Variants in RIMS2 observed in about 807,000 individuals in gnomAD.
The protein encoded by RIMS2 is regulating synaptic membrane exocytosis protein 2.
RIMS2 carries 59 observed loss-of-function variants against 174.4 expected under a neutral mutation model. That is an observed-to-expected ratio of 0.34 (90% CI 0.27 to 0.42). The LOEUF (loss-of-function observed/expected upper bound fraction) is 0.42. Among genes scored for constraint, RIMS2 ranks in the 10% least tolerant of loss-of-function variants. The pLI is 1.00. For missense variants in RIMS2, 1,620 were observed against 1,666.3 expected, an observed-to-expected ratio of 0.97 and a Z score of 0.48; for synonymous variants, 606 against 572.5, an observed-to-expected ratio of 1.06 and a Z score of -0.84.
At chr8:104,107,590 T>C (rs758663404) in intron 19 of RIMS2, among the ~76,000 whole-genome samples, 1 of 152,236 alleles carries the variant, frequency 6.6e-6, no homozygotes, top group Non-Finnish European at 1.5e-5. Context: ...TCCAACATAG[T>C]ACTTCTAACA....
At chr8:103,925,170 T>C (rs1595260613) in intron 10 of RIMS2, among the ~76,000 whole-genome samples, 2 of 151,804 alleles carry the variant, frequency 1.3e-5, no homozygotes, top group East Asian at 3.9e-4. Context: ...CAGAATTCTC[T>C]TTCTGTGGAA....
chr8:104,057,229 G>A (rs1471803090), intron 19 of RIMS2, among the ~76,000 whole-genome samples: 1 of 151,592 alleles, frequency 6.6e-6, no homozygotes, highest in Non-Finnish European at 1.5e-5. Context: ...ACCGCCCCCA[G>A]CTAAATTTTT....
chr8:103,770,536 A>C (rs1183430439), intron 3 of RIMS2, among the ~76,000 whole-genome samples: 1 of 152,148 alleles, frequency 6.6e-6, no homozygotes, highest in Non-Finnish European at 1.5e-5. Flanking sequence ...AGATCGTGCC[A>C]TTGCATTCCA....
chr8:103,622,259 C>A (rs967922583), intron 1 of RIMS2, among the ~76,000 whole-genome samples: 40 of 152,004 alleles, frequency 2.6e-4, no homozygotes, highest in Admixed American at 2.5e-3. Flanking sequence ...TGAATACAAA[C>A]AATGACACAT....
rs71297262 is a variant in RIMS2, at chr8:104,173,613, A to ATTTTT, written c.3335-71274_3335-71270dup. On this transcript the variant is annotated intron_variant, in intron 19 of 23. Transcript: ENST00000504942. ...AATATTTACTACCTTAGCTCTTCTG[A>ATTTTT]TTTTTTTTTTTTTTTTTTTTTTTTT... Among the ~76,000 whole-genome samples, 278 of 54,246 alleles carry ATTTTT rather than the reference A, an allele frequency of 5.1e-3. 50 individuals are homozygous for ATTTTT. Among genetic ancestry groups the ATTTTT allele is most frequent in the East Asian group, 0.02 (31 of 1,552 alleles). The allele number at this position is 54,246 out of a possible 152,430, so 35.6% of individuals were successfully genotyped here.
At chr8:104,046,512 T>C (rs906718573) in intron 19 of RIMS2, among the ~76,000 whole-genome samples, 3 of 152,142 alleles carry the variant, frequency 2.0e-5, no homozygotes, top group Non-Finnish European at 4.4e-5. Context: ...GTTATACTTA[T>C]GTCCTAAAAA....
At chr8:103,919,728 T>C (rs2077243031) in intron 9 of RIMS2, among the ~76,000 whole-genome samples, 1 of 152,190 alleles carries the variant, frequency 6.6e-6, no homozygotes, top group Admixed American at 6.5e-5. Context: ...TTAAAGTTTT[T>C]ATCAGAGTAG....
intron 19 of RIMS2, among the ~76,000 whole-genome samples, chr8:104,120,343 T>G (rs1449821643): frequency 6.6e-6 from 1 of 152,202 alleles, no homozygotes. Flanking sequence ...ATATTATTAT[T>G]TGAACAATCT....
intron 2 of RIMS2, among the ~76,000 whole-genome samples, chr8:103,746,750 G>A (rs1195302263): frequency 1.3e-5 from 2 of 151,736 alleles, no homozygotes; most frequent in Middle Eastern, 3.4e-3. Flanking sequence ...GTGCCATCTC[G>A]GCTCACTGCA....
chr8:103,554,154 G>A (rs1282025555), intron 1 of RIMS2, among the ~76,000 whole-genome samples: 2 of 151,898 alleles, frequency 1.3e-5, no homozygotes, highest in South Asian at 2.1e-4. Context: ...GATTTAATGA[G>A]GAAGACGTCA....
intron 1 of RIMS2, among the ~76,000 whole-genome samples, chr8:103,655,553 G>A (rs2096519699): frequency 6.6e-6 from 1 of 151,944 alleles, no homozygotes; most frequent in South Asian, 2.1e-4. Context: ...TTTATGTTTT[G>A]CTATGATTAA....
intron 1 of RIMS2, among the ~76,000 whole-genome samples, chr8:103,518,891 T>C (rs911866749): frequency 2.0e-5 from 3 of 152,200 alleles, no homozygotes; most frequent in African/African-American, 7.2e-5. Flanking sequence ...GTTTGTCCTC[T>C]GTATTGCTGC....
At chr8:103,863,836 G>T (rs995188450) in intron 3 of RIMS2, among the ~76,000 whole-genome samples, 4 of 149,504 alleles carry the variant, frequency 2.7e-5, no homozygotes, top group African/African-American at 7.4e-5. Context: ...GTTTGTACTG[G>T]TTAATCTAAC....
At chr8:104,173,549 T>C (rs1012001315) in intron 19 of RIMS2, among the ~76,000 whole-genome samples, 3 of 150,844 alleles carry the variant, frequency 2.0e-5, no homozygotes, top group African/African-American at 7.3e-5. Context: ...ACATTTTTTA[T>C]AGAACAAAGA....
At chr8:103,544,372 T>C (rs899870529) in intron 1 of RIMS2, among the ~76,000 whole-genome samples, 30 of 152,142 alleles carry the variant, frequency 2.0e-4, no homozygotes, top group Non-Finnish European at 7.4e-5. Flanking sequence ...AATAACTGTG[T>C]AGCAGGGCAG....
At position 103,500,915 on chromosome 8, in the gene RIMS2, G is replaced by C. The variant is rs775615519; in HGVS notation, c.29G>C (p.Arg10Pro). 4 of 1,605,212 alleles carry C rather than the reference G, an allele frequency of 2.5e-6. No homozygotes were observed. In the East Asian group the frequency reaches 6.8e-5, roughly 27 times the overall value. The change falls in exon 1 of 24, where the codon CGC (arginine) becomes CCC (proline). Residue 10 changes from arginine to proline, a missense_variant. Arg to Pro is a moderately radical substitution (Grantham distance 103). This residue lies in a region of RIMS2 where 1,395 missense variants were observed against 1,360.1 expected (regional missense o/e 1.03). Transcript: ENST00000504942. Reference sequence around the variant, plus strand: ...TCGGCTCCTGTCGGGCCCCGGGGCCGCCTGGCTCCCATCCCGGCGGCCTCT... The same window carrying C: ...TCGGCTCCTGTCGGGCCCCGGGGCCCCCTGGCTCCCATCCCGGCGGCCTCT...
At chr8:103,546,124 T>C (rs952027642) in intron 1 of RIMS2, among the ~76,000 whole-genome samples, 1 of 152,098 alleles carries the variant, frequency 6.6e-6, no homozygotes, top group Non-Finnish European at 1.5e-5. Flanking sequence ...TTGTATGTTG[T>C]CTACAAGAGA....
intron 3 of RIMS2, among the ~76,000 whole-genome samples, chr8:103,817,913 A>C (rs1360455109): frequency 6.6e-6 from 1 of 152,098 alleles, no homozygotes; most frequent in Non-Finnish European, 1.5e-5. Flanking sequence ...TAAACTAAAA[A>C]TACTTTATGA....
At chr8:104,249,078 G>A (rs897964912) in intron 21 of RIMS2, among the ~76,000 whole-genome samples, 1 of 149,930 alleles carries the variant, frequency 6.7e-6, no homozygotes, top group Non-Finnish European at 1.5e-5. Flanking sequence ...ACAGGCACAC[G>A]CCACCATAAC....
Sources: gnomAD v4.1 joint callset for allele counts (sites outside exome capture counted in the v4.1 genomes callset) on GRCh38, gnomAD v4.1.1 for gene constraint, gnomAD v4.1.1 regional missense constraint, MANE v1.5 for transcripts, NCBI Gene and HGNC (gene_info 2026-07-23, HGNC 2026-07-21) for gene names.